ERBB4: variants seen among roughly 807,000 people sequenced by gnomAD.
ERBB4 encodes receptor tyrosine-protein kinase erbB-4.
A neutral mutation model predicts 158.0 loss-of-function variants in ERBB4; 42 were observed. That is an observed-to-expected ratio of 0.27 (90% CI 0.21 to 0.34). The LOEUF (loss-of-function observed/expected upper bound fraction) is 0.34. ERBB4 is among the 10% of genes least tolerant of loss of function. ERBB4 has a pLI of 1.00. For synonymous variants in ERBB4, 583 were observed against 558.7 expected (o/e 1.04, Z -0.61); for missense variants, 1,333 against 1,624.1 (o/e 0.82, Z 3.08).
chr2:211,853,499 T>C (rs1480219323), intron 3 of ERBB4, among the ~76,000 whole-genome samples: 1 of 152,036 alleles, frequency 6.6e-6, no homozygotes, highest in African/African-American at 2.4e-5. Flanking sequence ...CATTACTCTG[T>C]TAGGCACACT....
chr2:211,696,156 G>T (rs1225965365), intron 12 of ERBB4, among the ~76,000 whole-genome samples: 2 of 150,172 alleles, frequency 1.3e-5, no homozygotes, highest in Non-Finnish European at 3.0e-5. Context: ...TGTTGCCCAG[G>T]CTGAAGTGCA....
chr2:212,532,886 TAACAA>T (rs1203152767), intron 1 of ERBB4, among the ~76,000 whole-genome samples: 1 of 152,226 alleles, frequency 6.6e-6, no homozygotes, highest in East Asian at 1.9e-4. Context: ...TAGAATTAGT[TAACAA>T]AACATCCACA....
intron 2 of ERBB4, among the ~76,000 whole-genome samples, chr2:212,014,075 A>G (rs550702187): frequency 2.7e-4 from 41 of 152,294 alleles, no homozygotes; most frequent in African/African-American, 9.1e-4. Context: ...GTAACTTTGG[A>G]AATACTGGAG....
intron 1 of ERBB4, among the ~76,000 whole-genome samples, chr2:212,173,503 C>T (rs1044349436): frequency 1.3e-5 from 2 of 152,076 alleles, no homozygotes; most frequent in African/African-American, 4.8e-5. Context: ...TGTTATTACC[C>T]AGGAAAATTT....
chr2:211,453,339 G>T (rs2064297706), intron 20 of ERBB4, among the ~76,000 whole-genome samples: 1 of 151,946 alleles, frequency 6.6e-6, no homozygotes. Flanking sequence ...ATTACTCAGG[G>T]TCACTACGTA....
chr2:211,610,040 T>A (rs1388419408), intron 19 of ERBB4, among the ~76,000 whole-genome samples: 1 of 152,086 alleles, frequency 6.6e-6, no homozygotes, highest in Non-Finnish European at 1.5e-5. Flanking sequence ...GTAATACCAT[T>A]TTTAGCAATG....
rs114333225 is a variant in ERBB4 at position 211,541,100 on chromosome 2, A to G, written c.2487+20803T>C. On this transcript the variant is annotated intron_variant, in intron 20 of 27. Coordinates refer to ENST00000342788, the MANE Select transcript of ERBB4 (RefSeq NM_005235.3). ...TCAATTGCCATTTCCTTTTCGGGGG[A>G]AAAGGTACAATGTGGTCTTTATTTT... 8.5e-3 allele frequency among the ~76,000 whole-genome samples: 1,298 copies of G among 151,912 alleles called. 17 individuals are homozygous for G. Among genetic ancestry groups the G allele is most frequent in the African/African-American group, 0.03 (1,237 of 41,498 alleles).
chr2:211,796,264 T>C (rs2076380881), intron 3 of ERBB4, among the ~76,000 whole-genome samples: 1 of 151,958 alleles, frequency 6.6e-6, no homozygotes, highest in African/African-American at 2.4e-5. Flanking sequence ...CGTATTCTCT[T>C]GTGTCTGGCT....
chr2:212,062,396 A>ATT, intron 2 of ERBB4, among the ~76,000 whole-genome samples: 1 of 96,536 alleles, frequency 1.0e-5, no homozygotes, highest in South Asian at 3.5e-4. Flanking sequence ...TCACTTGTCA[A>ATT]TTCTTTTTTT....
chr2:211,788,138 T>A lies in ERBB4; in HGVS notation c.443A>T (p.Tyr148Phe), dbSNP rs748490399. The part of the protein sequence containing the change: ...NLTEILNGGV[Y>F]VDQNKFLCYA... Reference sequence around the variant, plus strand: ...ACAAAGGAATTTGTTCTGGTCTACATAGACTCCACCATTTAGGATTTCTGT... The same window carrying A: ...ACAAAGGAATTTGTTCTGGTCTACAAAGACTCCACCATTTAGGATTTCTGT... Residue 148 changes from tyrosine (Y) to phenylalanine (F), a missense_variant, in exon 4 of 28, where the codon TAT becomes TTT. Around this residue, in one of 5 missense-constraint regions of ERBB4, gnomAD observed 438 missense variants for 586.9 expected, o/e 0.75. Coordinates refer to ENST00000342788, the MANE Select transcript of ERBB4 (RefSeq NM_005235.3). The A allele has an allele frequency of 1.2e-6, 2 of 1,612,518 alleles. No individual in the cohort carries two copies. Among genetic ancestry groups the A allele is most frequent in the Non-Finnish European group, 1.7e-6 (2 of 1,178,820 alleles).
At chr2:211,934,508 T>C (rs1440959050) in intron 3 of ERBB4, among the ~76,000 whole-genome samples, 2 of 152,080 alleles carry the variant, frequency 1.3e-5, no homozygotes, top group African/African-American at 4.8e-5. Flanking sequence ...AGTCATCTCA[T>C]AGACTTGAGA....
chr2:211,785,126 G>A (rs1193049785), intron 4 of ERBB4, among the ~76,000 whole-genome samples: 1 of 144,896 alleles, frequency 6.9e-6, no homozygotes, highest in Non-Finnish European at 1.5e-5. Flanking sequence ...TTTTTGAGAC[G>A]GAGTCTCACT....
At chr2:211,525,717 C>T (rs1390949901) in intron 20 of ERBB4, among the ~76,000 whole-genome samples, 1 of 152,100 alleles carries the variant, frequency 6.6e-6, no homozygotes, top group Non-Finnish European at 1.5e-5. Flanking sequence ...GAGCCCATTG[C>T]CCCGAAGGGT....
intron 1 of ERBB4, among the ~76,000 whole-genome samples, chr2:212,187,404 T>C (rs2082045483): frequency 7.8e-6 from 1 of 127,966 alleles, no homozygotes; most frequent in Non-Finnish European, 1.7e-5. Context: ...ACATGTACCC[T>C]AAAACTTAAA....
chr2:211,766,561 G>GA (rs1441463911), intron 4 of ERBB4, among the ~76,000 whole-genome samples: 1 of 151,860 alleles, frequency 6.6e-6, no homozygotes, highest in Non-Finnish European at 1.5e-5. Flanking sequence ...AGAAATTAGA[G>GA]AAAAAAAGGG....
intron 1 of ERBB4, among the ~76,000 whole-genome samples, chr2:212,401,451 T>C (rs1470386097): frequency 6.6e-6 from 1 of 152,124 alleles, no homozygotes; most frequent in Non-Finnish European, 1.5e-5. Context: ...TCATATTGAT[T>C]TGAAATACAA....
chr2:211,547,216 C>A (rs1376730713), intron 20 of ERBB4, among the ~76,000 whole-genome samples: 1 of 151,968 alleles, frequency 6.6e-6, no homozygotes, highest in African/African-American at 2.4e-5. Context: ...TTTTTGGAAA[C>A]TTCCTGTGAA....
intron 2 of ERBB4, among the ~76,000 whole-genome samples, chr2:212,074,704 C>A (rs1486139864): frequency 2.0e-5 from 3 of 151,764 alleles, no homozygotes; most frequent in African/African-American, 7.3e-5. Context: ...TTTAAGGATC[C>A]AGTTGGTGCT....
intron 1 of ERBB4, among the ~76,000 whole-genome samples, chr2:212,333,712 C>T (rs906824490): frequency 1.4e-5 from 2 of 146,418 alleles, no homozygotes; most frequent in South Asian, 4.2e-4. Context: ...AAAATCCTTC[C>T]TTGGTCCACC....
Sources: allele counts gnomAD v4.1 joint callset (sites outside exome capture counted in the v4.1 genomes callset), GRCh38; gene constraint gnomAD v4.1.1; regional missense constraint gnomAD v4.1.1; transcripts MANE v1.5; gene names NCBI Gene and HGNC (gene_info 2026-07-23, HGNC 2026-07-21).